Variants in TENM2 observed in about 807,000 individuals in gnomAD.
TENM2 encodes teneurin transmembrane protein 2.
Under a neutral mutation model 245.2 loss-of-function variants are expected in TENM2, and 52 were observed. The ratio of observed to expected loss-of-function variants is 0.21; its 90% confidence interval spans 0.17 to 0.27. The LOEUF (loss-of-function observed/expected upper bound fraction) is 0.27, where lower values mean the gene tolerates loss of function less well. TENM2 is among the 10% of genes least tolerant of loss of function. The pLI is 1.00. For synonymous variants in TENM2, 1,363 were observed against 1,438.9 expected, an observed-to-expected ratio of 0.95 and a Z score of 1.19; for missense variants, 3,046 against 3,666.8, an observed-to-expected ratio of 0.83 and a Z score of 4.37.
At chr5:168,065,775 T>G (rs1790443475) in intron 7 of TENM2, among the ~76,000 whole-genome samples, 1 of 151,398 alleles carries the variant, frequency 6.6e-6, no homozygotes, top group Non-Finnish European at 1.5e-5. Context: ...GTTTATATAT[T>G]ATTTTTGTTA....
At chr5:167,018,528 C>T in the TENM2 span, among the ~76,000 whole-genome samples, 1 of 152,092 alleles carries the variant, frequency 6.6e-6, no homozygotes, top group African/African-American at 2.4e-5. Flanking sequence ...CTGCTAAGAA[C>T]AATATGTCAT....
intron 2 of TENM2, among the ~76,000 whole-genome samples, chr5:167,593,471 T>G (rs555755397): frequency 6.6e-6 from 1 of 152,332 alleles, no homozygotes; most frequent in East Asian, 1.9e-4. Flanking sequence ...AAATAAAACT[T>G]TCTTTGAACT....
At chr5:167,927,327 T>G (rs529694680) in intron 3 of TENM2, among the ~76,000 whole-genome samples, 2 of 152,324 alleles carry the variant, frequency 1.3e-5, no homozygotes, top group African/African-American at 4.8e-5. Flanking sequence ...AGGAGCCTTC[T>G]TCTTGAATGT....
chr5:167,803,092 A>G (rs2150958620), intron 2 of TENM2, among the ~76,000 whole-genome samples: 1 of 152,304 alleles, frequency 6.6e-6, no homozygotes, highest in African/African-American at 2.4e-5. Context: ...AGAGAAATGT[A>G]GCAAATCAAT....
In TENM2 at chr5:167,403,698, G is replaced by C. The variant is rs1010532518; in HGVS notation, c.502+28225G>C. ...TCAGAAAGAACATATTAAAGTTGAA[G>C]TATAAGGATTTTTAGATCAAAAGGA... On this transcript the variant is annotated intron_variant, in intron 2 of 28. Transcript: ENST00000518659. Among the ~76,000 whole-genome samples, 4 of 152,088 alleles carry C rather than the reference G, an allele frequency of 2.6e-5. No individual in the cohort carries two copies. In the South Asian group the frequency reaches 6.2e-4, roughly 24 times the overall value.
At chr5:168,234,762 C>T (rs867057732) in intron 25 of TENM2, among the ~76,000 whole-genome samples, 2 of 152,296 alleles carry the variant, frequency 1.3e-5, no homozygotes, top group South Asian at 2.1e-4. Context: ...TATAACCACG[C>T]TCTAGGATAT....
intron 9 of TENM2, among the ~76,000 whole-genome samples, chr5:168,117,675 A>G (rs1215054122): frequency 6.6e-6 from 1 of 152,216 alleles, no homozygotes; most frequent in African/African-American, 2.4e-5. Flanking sequence ...GGACTACTTC[A>G]TTTCTTCATG....
At chr5:167,291,030 T>C (rs1399630046) in intron 1 of TENM2, among the ~76,000 whole-genome samples, 1 of 152,242 alleles carries the variant, frequency 6.6e-6, no homozygotes, top group Non-Finnish European at 1.5e-5. Flanking sequence ...GGAATATGTC[T>C]ATATTTTTTG....
the TENM2 span, among the ~76,000 whole-genome samples, chr5:167,223,623 C>T: frequency 0.19 from 28,642 of 152,040 alleles, 2,950 homozygotes; most frequent in African/African-American, 0.27. Context: ...TGATTCCAAA[C>T]CTTTGCTATT....
In TENM2 at chr5:167,344,321, T is replaced by G. The variant is rs1230587605; in HGVS notation, c.227-30877T>G. 2.1e-5 allele frequency among the ~76,000 whole-genome samples: 3 copies of G among 142,950 alleles called. No homozygotes were observed. The South Asian group carries it at 6.8e-4, about 32-fold the overall frequency. 93.8% of individuals were successfully genotyped at this position (142,950 alleles called of 152,430 possible). A position where few individuals can be genotyped will look rare whatever the true frequency, so the allele number is the denominator to read the frequency against. Reference sequence around the variant, plus strand: ...ACACACACACACACATATATATATATATATATATAGATATATTGCAGAGAT... The same window carrying G: ...ACACACACACACACATATATATATAGATATATATAGATATATTGCAGAGAT... On this transcript the variant is annotated intron_variant, in intron 1 of 28. Transcript: ENST00000518659.
intron 7 of TENM2, among the ~76,000 whole-genome samples, chr5:168,066,992 A>G (rs533403426): frequency 6.6e-6 from 1 of 152,210 alleles, no homozygotes; most frequent in Non-Finnish European, 1.5e-5. Flanking sequence ...ATTGCTACTG[A>G]TATGTCAAGC....
At chr5:167,567,153 A>G (rs1773959157) in intron 2 of TENM2, among the ~76,000 whole-genome samples, 2 of 152,192 alleles carry the variant, frequency 1.3e-5, no homozygotes, top group Admixed American at 1.3e-4. Context: ...ATCGACCCAA[A>G]TTATCTCATC....
At chr5:167,768,362 A>C (rs1286933214) in intron 2 of TENM2, among the ~76,000 whole-genome samples, 3 of 152,210 alleles carry the variant, frequency 2.0e-5, no homozygotes, top group Admixed American at 6.5e-5. Context: ...AAAATCCACC[A>C]AACTTAGTGA....
chr5:168,087,180 G>A (rs1792528347), intron 7 of TENM2: 1 of 152,224 alleles, frequency 6.6e-6, no homozygotes, highest in Non-Finnish European at 1.5e-5. Context: ...GAGATAGAAA[G>A]GAGGAACAAG....
intron 8 of TENM2, among the ~76,000 whole-genome samples, chr5:168,096,158 A>G (rs569155424): frequency 2.0e-5 from 3 of 152,322 alleles, no homozygotes; most frequent in African/African-American, 7.2e-5. Context: ...TGTTCCCAAT[A>G]CAGACAGCCT....
intron 3 of TENM2, chr5:167,934,789 C>T: frequency 4.4e-6 from 4 of 912,940 alleles, no homozygotes; most frequent in African/African-American, 1.8e-5. Context: ...TTCAGGGCAG[C>T]CTTCCAGGGC....
chr5:167,973,454 G>T (rs182268587), intron 4 of TENM2, among the ~76,000 whole-genome samples: 1 of 152,214 alleles, frequency 6.6e-6, no homozygotes, highest in African/African-American at 2.4e-5. Context: ...GTGAAAGATC[G>T]AAAAGACATG....
chr5:167,178,425 C>T, the TENM2 span, among the ~76,000 whole-genome samples: 2 of 152,288 alleles, frequency 1.3e-5, no homozygotes, highest in African/African-American at 4.8e-5. Context: ...GTGAGTTTCT[C>T]ATCCTGGTCG....
chr5:167,076,103 G>A, the TENM2 span, among the ~76,000 whole-genome samples: 50 of 152,204 alleles, frequency 3.3e-4, no homozygotes, highest in Non-Finnish European at 5.7e-4. Flanking sequence ...TTTCTGGCCA[G>A]GGATCTACCT....
Sources: gnomAD v4.1 joint callset for allele counts (sites outside exome capture counted in the v4.1 genomes callset) on GRCh38, gnomAD v4.1.1 for gene constraint, MANE v1.5 for transcripts, NCBI Gene and HGNC (gene_info 2026-07-23, HGNC 2026-07-21) for gene names.